Variants in PRKD1 observed in about 807,000 individuals in gnomAD.
PRKD1 encodes the protein serine/threonine-protein kinase D1.
PRKD1 carries 63 observed loss-of-function variants against 95.9 expected under a neutral mutation model. The ratio of observed to expected loss-of-function variants is 0.66; its 90% confidence interval spans 0.54 to 0.81. The LOEUF (loss-of-function observed/expected upper bound fraction) is 0.81. Ranked by LOEUF, PRKD1 falls within the 30% of genes least tolerant of loss-of-function variation. PRKD1 has a pLI of 0.00. For missense variants in PRKD1, 1,048 were observed against 1,165.3 expected, an observed-to-expected ratio of 0.90 and a Z score of 1.47; for synonymous variants, 425 against 423.1, an observed-to-expected ratio of 1.00 and a Z score of -0.05.
intron 2 of PRKD1, among the ~76,000 whole-genome samples, chr14:29,696,475 C>T (rs1372583823): frequency 6.6e-6 from 1 of 152,088 alleles, no homozygotes; most frequent in African/African-American, 2.4e-5. Flanking sequence ...TAGGTTCATA[C>T]TTTAAAATGC....
chr14:29,897,198 A>G (rs1033730419), intron 1 of PRKD1, among the ~76,000 whole-genome samples: 1 of 152,108 alleles, frequency 6.6e-6, no homozygotes, highest in Non-Finnish European at 1.5e-5. Flanking sequence ...GTAAATAAAA[A>G]TATATTTCCA....
At chr14:29,924,879 C>T (rs1441421873) in intron 1 of PRKD1, among the ~76,000 whole-genome samples, 2 of 152,130 alleles carry the variant, frequency 1.3e-5, no homozygotes, top group Non-Finnish European at 2.9e-5. Context: ...GATGGACCTT[C>T]AGCTCTCTTA....
intron 1 of PRKD1, among the ~76,000 whole-genome samples, chr14:29,729,252 T>C (rs1594465280): frequency 6.6e-6 from 1 of 152,266 alleles, no homozygotes; most frequent in South Asian, 2.1e-4. Flanking sequence ...GACTTGGTAT[T>C]ATATCTTCCT....
Position 29,594,992 on chromosome 14 carries a change from C to CTT in PRKD1, c.2434+2497_2434+2498dup, listed in dbSNP as rs113886267. Among the ~76,000 whole-genome samples, 731 of 145,760 alleles carry CTT rather than the reference C, an allele frequency of 5.0e-3. 6 individuals are homozygous for CTT. The highest frequency in any genetic ancestry group is 0.012 in the African/African-American group (495 of 39,758). ...TGTTCATACATCAGCAGCTAGGTAA[C>CTT]TTTTTTTTTTTTTTGCCATCCAGAG... On this transcript the variant is annotated intron_variant, in intron 16 of 17. Coordinates refer to ENST00000331968, the MANE Select transcript of PRKD1 (RefSeq NM_002742.3).
intron 1 of PRKD1, among the ~76,000 whole-genome samples, chr14:29,740,713 T>A (rs1402140901): frequency 2.0e-5 from 3 of 152,180 alleles, no homozygotes; most frequent in Non-Finnish European, 4.4e-5. Context: ...CCTGGCTATC[T>A]TCAATTCTAC....
intron 1 of PRKD1, among the ~76,000 whole-genome samples, chr14:29,872,444 C>A (rs1566647794): frequency 7.2e-5 from 11 of 151,870 alleles, no homozygotes; most frequent in Admixed American, 6.6e-4. Context: ...GGGTGGATCA[C>A]GAGTCAGGAC....
intron 1 of PRKD1, among the ~76,000 whole-genome samples, chr14:29,844,329 A>C (rs930567529): frequency 6.6e-6 from 1 of 152,228 alleles, no homozygotes; most frequent in Non-Finnish European, 1.5e-5. Context: ...AACTTTTAGC[A>C]TAAGAAATAC....
intron 13 of PRKD1, among the ~76,000 whole-genome samples, chr14:29,609,675 G>C (rs1448061651): frequency 1.3e-5 from 2 of 150,558 alleles, no homozygotes; most frequent in African/African-American, 4.9e-5. Flanking sequence ...CAAGTAGCTG[G>C]GACTACAGGC....
intron 1 of PRKD1, among the ~76,000 whole-genome samples, chr14:29,826,840 CACACATATATATATATATATATATATAT>C (rs1891204413): frequency 6.5e-5 from 1 of 15,448 alleles, no homozygotes; most frequent in Non-Finnish European, 1.2e-4. Flanking sequence ...TATATATATA[CACACATATATATATATATATATATATAT>C]ATATATATGA....
At chr14:29,800,726 T>C (rs1299117515) in intron 1 of PRKD1, among the ~76,000 whole-genome samples, 1 of 152,122 alleles carries the variant, frequency 6.6e-6, no homozygotes, top group African/African-American at 2.4e-5. Context: ...GAAATGAGTA[T>C]CTTCAACAAT....
chr14:29,825,776 A>G (rs1029795280), intron 1 of PRKD1, among the ~76,000 whole-genome samples: 2 of 152,104 alleles, frequency 1.3e-5, no homozygotes, highest in South Asian at 4.1e-4. Flanking sequence ...CAGTTATGTT[A>G]AACTAAATTA....
chr14:29,622,385 CTTCT>C (rs1269585073), intron 13 of PRKD1, among the ~76,000 whole-genome samples: 10 of 146,046 alleles, frequency 6.8e-5, no homozygotes, highest in Admixed American at 6.4e-4. Context: ...TCCTTCCTTC[CTTCT>C]TTCCTTCCTT....
chr14:29,728,934 T>A (rs1886303596), intron 1 of PRKD1, among the ~76,000 whole-genome samples: 1 of 152,140 alleles, frequency 6.6e-6, no homozygotes, highest in African/African-American at 2.4e-5. Context: ...TTCCAATGTC[T>A]TTTCCCTTTC....
chr14:29,697,769 A>T (rs980222420), intron 2 of PRKD1, among the ~76,000 whole-genome samples: 3 of 152,126 alleles, frequency 2.0e-5, no homozygotes, highest in African/African-American at 7.2e-5. Context: ...TTTTAACTTT[A>T]ACAAACAGTA....
intron 2 of PRKD1, among the ~76,000 whole-genome samples, chr14:29,700,876 T>A (rs554174387): frequency 6.6e-6 from 1 of 152,260 alleles, no homozygotes; most frequent in South Asian, 2.1e-4. Context: ...CTACAGATTT[T>A]GGACTTGTCA....
chr14:29,874,938 C>A (rs1232005924), intron 1 of PRKD1, among the ~76,000 whole-genome samples: 2 of 152,028 alleles, frequency 1.3e-5, no homozygotes, highest in African/African-American at 4.8e-5. Flanking sequence ...ACCAGGGTGA[C>A]TATAGTTAGC....
chr14:29,784,233 T>C (rs1052281234), intron 1 of PRKD1, among the ~76,000 whole-genome samples: 2 of 152,110 alleles, frequency 1.3e-5, no homozygotes, highest in African/African-American at 2.4e-5. Context: ...GGGTGTCCTT[T>C]CCCCAGTATA....
chr14:29,824,055 G>T (rs544465370), intron 1 of PRKD1, among the ~76,000 whole-genome samples: 1 of 152,250 alleles, frequency 6.6e-6, no homozygotes, highest in Admixed American at 6.5e-5. Context: ...GGAATGCAGT[G>T]CTTGAGGCCC....
chr14:29,916,974 C>G (rs1462498283), intron 1 of PRKD1, among the ~76,000 whole-genome samples: 1 of 152,122 alleles, frequency 6.6e-6, no homozygotes, highest in Non-Finnish European at 1.5e-5. Flanking sequence ...TAAGAACTCC[C>G]TGGTCTAACC....
Sources: allele counts gnomAD v4.1 joint callset (sites outside exome capture counted in the v4.1 genomes callset), GRCh38; gene constraint gnomAD v4.1.1; transcripts MANE v1.5; gene names NCBI Gene and HGNC (gene_info 2026-07-23, HGNC 2026-07-21).